AIF1L: variants seen among roughly 807,000 people sequenced by gnomAD.
AIF1L encodes the protein allograft inflammatory factor 1 like, also known as allograft inflammatory factor 1-like.
In AIF1L, 12 loss-of-function variants were observed where a neutral mutation model predicts 20.7. The observed-to-expected ratio is 0.58, with a 90% CI of 0.37 to 0.94. The LOEUF is 0.94. AIF1L is among the 40% of genes least tolerant of loss of function. The pLI is 0.01. For synonymous variants in AIF1L, 76 were observed against 65.1 expected, an observed-to-expected ratio of 1.17 and a Z score of -0.81; for missense variants, 173 against 185.3, an observed-to-expected ratio of 0.93 and a Z score of 0.39.
chr9:131,106,045 C>A, intron 2 of AIF1L: 1 of 888,964 alleles, frequency 1.1e-6, no homozygotes, highest in Non-Finnish European at 1.7e-6. Context: ...CTTCAAACTT[C>A]TGGCCTCAAG....
At chr9:131,097,505 T>C (rs1830555183) in intron 2 of AIF1L, among the ~76,000 whole-genome samples, 1 of 152,228 alleles carries the variant, frequency 6.6e-6, no homozygotes, top group Admixed American at 6.5e-5. Flanking sequence ...CCACTCCTCT[T>C]CACTCCAACT....
chr9:131,096,919 C>T, intron 2 of AIF1L, 56 bp downstream of exon 2: 1 of 1,471,504 alleles, frequency 6.8e-7, no homozygotes, highest in Non-Finnish European at 9.0e-7. Flanking sequence ...TGCGCGGGTG[C>T]CACCTCTCCT....
intron 2 of AIF1L, among the ~76,000 whole-genome samples, chr9:131,098,569 T>A (rs929411324): frequency 4.0e-5 from 6 of 149,910 alleles, no homozygotes; most frequent in Admixed American, 3.3e-4. Flanking sequence ...GAGGTGACCA[T>A]GGTTGGACAA....
intron 2 of AIF1L, among the ~76,000 whole-genome samples, chr9:131,100,328 C>T (rs1440628891): frequency 1.3e-5 from 2 of 152,184 alleles, no homozygotes; most frequent in African/African-American, 4.8e-5. Context: ...TTTGGTTTCA[C>T]TTTAGTTTTT....
rs7046721 is a variant in AIF1L at position 131,102,839 on chromosome 9, C to T, written c.93+5976C>T. 2.1e-3 allele frequency: 957 copies of T among 455,922 alleles called. 6 individuals are homozygous for T. The highest frequency in any genetic ancestry group is 0.018 in the African/African-American group (891 of 50,178). The allele number at this position is 455,922 out of a possible 1,614,324, so 28.2% of individuals were successfully genotyped here. A position where few individuals can be genotyped will look rare whatever the true frequency, so the allele number is the denominator to read the frequency against. On this transcript the variant is annotated intron_variant, in intron 2 of 5. Transcript: ENST00000247291. ...TACGCCCCGGCATGGTGCTTCCTGT[C>T]CTTGGAGTTCTTGTCCAAGGCCTGA... is the stretch of plus-strand genomic sequence containing the variant.
chr9:131,108,356 T>A (rs111720368), intron 2 of AIF1L, among the ~76,000 whole-genome samples: 24 of 152,044 alleles, frequency 1.6e-4, no homozygotes, highest in African/African-American at 4.8e-4. Flanking sequence ...CACGCCCCCA[T>A]GCCCGGCTAA....
At chr9:131,115,933 C>T (rs1293012835) in intron 4 of AIF1L, among the ~76,000 whole-genome samples, 1 of 148,444 alleles carries the variant, frequency 6.7e-6, no homozygotes. Context: ...CAGATTGCAC[C>T]ATTGCACTCC....
At chr9:131,099,401 C>T (rs367701862) in intron 2 of AIF1L, among the ~76,000 whole-genome samples, 2 of 152,230 alleles carry the variant, frequency 1.3e-5, no homozygotes, top group African/African-American at 2.4e-5. Context: ...GGTTCACCCA[C>T]GGCCATGGGG....
At position 131,122,561 on chromosome 9, in the gene AIF1L, T is replaced by C. The variant is rs1202764431; in HGVS notation, c.*2239T>C. The C allele has an allele frequency of 3.9e-5, 6 of 152,102 alleles. No homozygotes were observed. The highest frequency in any genetic ancestry group is 1.2e-4 in the African/African-American group (5 of 41,408). 9.4% of individuals were successfully genotyped at this position (152,102 alleles called of 1,614,324 possible). A position where few individuals can be genotyped will look rare whatever the true frequency, so the allele number is the denominator to read the frequency against. ...GACAGGCTGGGACCTTTGAGGAAGA[T>C]AAAGCCTTCCTTCACTACCCATCAT... On this transcript the variant is annotated 3_prime_UTR_variant, in exon 6 of 6. Coordinates refer to ENST00000247291, the MANE Select transcript of AIF1L (RefSeq NM_031426.4).
chr9:131,121,126 G>C lies in AIF1L; in HGVS notation c.*804G>C. 7.0e-6 allele frequency: 5 copies of C among 714,312 alleles called. No homozygotes were observed. Among genetic ancestry groups the C allele is most frequent in the Middle Eastern group, 2.3e-4 (1 of 4,364 alleles). The allele number at this position is 714,312 out of a possible 1,614,324, so 44.2% of individuals were successfully genotyped here. A position where few individuals can be genotyped will look rare whatever the true frequency, so the allele number is the denominator to read the frequency against. On this transcript the variant is annotated 3_prime_UTR_variant, in exon 6 of 6. Coordinates refer to ENST00000247291, the MANE Select transcript of AIF1L (RefSeq NM_031426.4). ...CACCTTTTAGGGAGGTTACTGAGGG[G>C]ACCAGGATGGGAGAATGAGGAGTAA...
At chr9:131,100,948 AGTG>A (rs1219361895) in intron 2 of AIF1L, among the ~76,000 whole-genome samples, 1 of 152,076 alleles carries the variant, frequency 6.6e-6, no homozygotes, top group African/African-American at 2.4e-5. Context: ...CCCAGGGTGG[AGTG>A]CAGTGGCGTG....
chr9:131,105,981 G>T (rs1044374825), intron 2 of AIF1L, among the ~76,000 whole-genome samples: 1 of 152,096 alleles, frequency 6.6e-6, no homozygotes, highest in African/African-American at 2.4e-5. Context: ...ACCACACCCA[G>T]CTAATTTTTT....
At chr9:131,112,815 G>A (rs368704389) in intron 3 of AIF1L, among the ~76,000 whole-genome samples, 6 of 152,200 alleles carry the variant, frequency 3.9e-5, no homozygotes, top group African/African-American at 1.4e-4. Flanking sequence ...AAAGAGAGCA[G>A]TCTATTCCCT....
At position 131,118,382 on chromosome 9, in the gene AIF1L, C is replaced by T. The variant is rs187101402; in HGVS notation, c.365+464C>T. Among the ~76,000 whole-genome samples the T allele has an allele frequency of 1.8e-3, 278 of 152,118 alleles. 1 individual carries two copies. The highest frequency in any genetic ancestry group is 6.6e-3 in the African/African-American group (272 of 41,524). On this transcript the variant is annotated intron_variant, in intron 5 of 5. Transcript: ENST00000247291. The stretch of plus-strand genomic sequence containing the variant: ...TGTTAGGATTATAGGCGTGAGCCAC[C>T]ACACCCGGCCCAAATGGTCATATTA...
At chr9:131,108,602 C>T (rs1394407550) in intron 2 of AIF1L, among the ~76,000 whole-genome samples, 1 of 152,178 alleles carries the variant, frequency 6.6e-6, no homozygotes, top group Non-Finnish European at 1.5e-5. Context: ...AGTGAGATAG[C>T]ACAGTGTCTG....
chr9:131,100,860 G>A (rs955754317), intron 2 of AIF1L, among the ~76,000 whole-genome samples: 8 of 152,210 alleles, frequency 5.3e-5, no homozygotes, highest in Non-Finnish European at 1.0e-4. Flanking sequence ...GGGACAGTGA[G>A]GGCTGCCACA....
At chr9:131,104,972 T>G (rs562973062) in intron 2 of AIF1L, among the ~76,000 whole-genome samples, 66 of 152,044 alleles carry the variant, frequency 4.3e-4, no homozygotes, top group African/African-American at 1.6e-3. Flanking sequence ...CTGCCTTTTT[T>G]TTTTCTTTAT....
At chr9:131,119,982 C>G (rs1831101252) in intron 5 of AIF1L, among the ~76,000 whole-genome samples, 1 of 152,154 alleles carries the variant, frequency 6.6e-6, no homozygotes. Flanking sequence ...CAGCCTCTGC[C>G]CTGGACCGCC....
rs563510806 is a variant in AIF1L at position 131,118,899 on chromosome 9, A to G, written c.365+981A>G. The stretch of plus-strand genomic sequence containing the variant: ...CTACCCCCACAGGCTTGTAAGCATA[A>G]AATAGAGTCAAAAATTGGCCCCAAA... On this transcript the variant is annotated intron_variant, in intron 5 of 5. Transcript: ENST00000247291. 6.4e-4 allele frequency among the ~76,000 whole-genome samples: 97 copies of G among 152,300 alleles called. 1 individual carries two copies. Among genetic ancestry groups the G allele is most frequent in the African/African-American group, 1.9e-3 (79 of 41,558 alleles).
Sources: gnomAD v4.1 joint callset for allele counts (sites outside exome capture counted in the v4.1 genomes callset) on GRCh38, gnomAD v4.1.1 for gene constraint, MANE v1.5 for transcripts, NCBI Gene and HGNC (gene_info 2026-07-23, HGNC 2026-07-21) for gene names.